The following PITPNC1 variants were observed in gnomAD, a reference collection of about 807,000 sequenced individuals.
PITPNC1 encodes the protein phosphatidylinositol transfer protein cytoplasmic 1.
Under a neutral mutation model 44.7 loss-of-function variants are expected in PITPNC1, and 18 were observed. That is an observed-to-expected ratio of 0.40 (90% confidence interval 0.28 to 0.60). The LOEUF is 0.60. Ranked by LOEUF, PITPNC1 falls within the 20% of genes least tolerant of loss-of-function variation. PITPNC1 has a pLI of 0.39. For missense variants in PITPNC1, 290 were observed against 418.4 expected (o/e 0.69, Z 2.68); for synonymous variants, 141 against 149.6 (o/e 0.94, Z 0.42).
At chr17:67,596,054 T>A (rs1360621120) in intron 5 of PITPNC1, among the ~76,000 whole-genome samples, 4 of 152,204 alleles carry the variant, frequency 2.6e-5, no homozygotes, top group Non-Finnish European at 5.9e-5. Context: ...TTATTATCAT[T>A]CCTACAAAGG....
chr17:67,680,315 A>G (rs2042678966), intron 8 of PITPNC1, among the ~76,000 whole-genome samples: 1 of 152,062 alleles, frequency 6.6e-6, no homozygotes, highest in Admixed American at 6.6e-5. Flanking sequence ...AATCACAACT[A>G]TAAGGCTGGC....
At chr17:67,564,030 G>A (rs1266282975) in intron 4 of PITPNC1, among the ~76,000 whole-genome samples, 2 of 152,228 alleles carry the variant, frequency 1.3e-5, no homozygotes, top group East Asian at 3.9e-4. Flanking sequence ...ATAGATGATA[G>A]ATATTAATAG....
Position 67,650,168 on chromosome 17 carries a change from A to T in PITPNC1, c.462+17930A>T, listed in dbSNP as rs1166175958. The stretch of plus-strand genomic sequence containing the variant: ...CAAAAGTCACCCCCATCACTCAGGA[A>T]ATTCCAGGAGTTTTTGGAGCATTGT... On this transcript the variant is annotated intron_variant, in intron 6 of 8. Coordinates refer to ENST00000581322, the MANE Select transcript of PITPNC1 (RefSeq NM_012417.4). Among the ~76,000 whole-genome samples, 12 of 152,210 alleles carry T rather than the reference A, an allele frequency of 7.9e-5. 1 individual carries two copies. Among genetic ancestry groups the T allele is most frequent in the Admixed American group, 7.9e-4 (12 of 15,280 alleles).
chr17:67,479,729 C>A lies in PITPNC1; in HGVS notation c.49-53073C>A, dbSNP rs188544033. Among the ~76,000 whole-genome samples the A allele has an allele frequency of 3.9e-4, 60 of 152,220 alleles. 1 individual carries two copies. The East Asian group carries it at 0.01, about 26-fold the overall frequency. On this transcript the variant is annotated intron_variant, in intron 1 of 8. Coordinates refer to ENST00000581322, the MANE Select transcript of PITPNC1 (RefSeq NM_012417.4). Reference sequence around the variant, plus strand: ...AAATAAGGCTTATCATGATATCCTGCCGTCTGATTTCTAAAAGTACAGTTC... The same window carrying A: ...AAATAAGGCTTATCATGATATCCTGACGTCTGATTTCTAAAAGTACAGTTC...
At chr17:67,380,099 G>A (rs1337110781) in intron 1 of PITPNC1, among the ~76,000 whole-genome samples, 1 of 148,598 alleles carries the variant, frequency 6.7e-6, no homozygotes, top group African/African-American at 2.5e-5. Context: ...TTTTGAGATG[G>A]AGCCTTGTTA....
chr17:67,509,052 G>T (rs1268664716), intron 1 of PITPNC1, among the ~76,000 whole-genome samples: 1 of 151,772 alleles, frequency 6.6e-6, no homozygotes, highest in Non-Finnish European at 1.5e-5. Flanking sequence ...TGACCAACAT[G>T]GTGAAACTCC....
intron 4 of PITPNC1, among the ~76,000 whole-genome samples, chr17:67,559,649 G>A (rs934855680): frequency 6.6e-6 from 1 of 152,212 alleles, no homozygotes; most frequent in Admixed American, 6.5e-5. Context: ...CATTTCAGGA[G>A]GCTGAGATAG....
chr17:67,425,193 G>GCGCGCGCGCGCGCGCGCC (rs1160522771), intron 1 of PITPNC1, among the ~76,000 whole-genome samples: 2 of 52,118 alleles, frequency 3.8e-5, no homozygotes, highest in Admixed American at 2.0e-4. Context: ...TTGTGCGCGC[G>GCGCGCGCGCGCGCGCGCC]CACGCACACG....
intron 6 of PITPNC1, among the ~76,000 whole-genome samples, chr17:67,644,425 A>ATTTTTTTT (rs750245444): frequency 9.2e-6 from 1 of 108,974 alleles, no homozygotes; most frequent in Non-Finnish European, 1.8e-5. Context: ...TCCCTCTGTA[A>ATTTTTTTT]TTTTTTTTTT....
chr17:67,473,402 C>T (rs2144010797), intron 1 of PITPNC1, among the ~76,000 whole-genome samples: 2 of 152,030 alleles, frequency 1.3e-5, no homozygotes, highest in South Asian at 4.2e-4. Flanking sequence ...AATCTCGGCT[C>T]ACTGCAAGCT....
intron 1 of PITPNC1, among the ~76,000 whole-genome samples, chr17:67,487,875 G>C (rs1308574521): frequency 2.0e-5 from 3 of 152,158 alleles, no homozygotes; most frequent in Non-Finnish European, 4.4e-5. Context: ...AGATGTCTTC[G>C]CATCTTATAC....
chr17:67,458,926 C>T (rs140622964), intron 1 of PITPNC1, among the ~76,000 whole-genome samples: 24 of 152,120 alleles, frequency 1.6e-4, no homozygotes, highest in African/African-American at 5.3e-4. Context: ...GATCACCCCG[C>T]TTAAGGCTCA....
rs532522584 is a variant in PITPNC1 at position 67,676,335 on chromosome 17, T to C, written c.682+793T>C. ...AATTGAAACTATTGTTCTGGCTTTT[T>C]TTTCATGATCTGGGAAGAGTTAAAC... is the stretch of plus-strand genomic sequence containing the variant. On this transcript the variant is annotated intron_variant, in intron 8 of 8. Transcript: ENST00000581322. The surrounding 1 kb of genome is among the most constrained non-coding windows in gnomAD (Gnocchi z 4.0). 7.2e-5 allele frequency among the ~76,000 whole-genome samples: 11 copies of C among 152,334 alleles called. No homozygotes were observed. The highest frequency in any genetic ancestry group is 1.7e-4 in the African/African-American group (7 of 41,560).
chr17:67,452,048 G>T (rs7407026), intron 1 of PITPNC1, among the ~76,000 whole-genome samples: 67,724 of 151,406 alleles, frequency 0.45, 17,328 homozygotes, highest in African/African-American at 0.71. Flanking sequence ...GTCTCACTGT[G>T]ATCACCCAGG....
chr17:67,390,341 T>G (rs1484832218), intron 1 of PITPNC1, among the ~76,000 whole-genome samples: 1 of 152,196 alleles, frequency 6.6e-6, no homozygotes, highest in Non-Finnish European at 1.5e-5. Context: ...GAACCTTTCT[T>G]GTCAGAACTC....
chr17:67,385,242 C>T (rs8075952), intron 1 of PITPNC1, among the ~76,000 whole-genome samples: 39,362 of 151,936 alleles, frequency 0.26, 5,424 homozygotes, highest in African/African-American at 0.34. Flanking sequence ...GCTGCAAAAA[C>T]GCACCAATCA....
chr17:67,667,227 T>C (rs1323605053), intron 6 of PITPNC1, among the ~76,000 whole-genome samples: 1 of 152,076 alleles, frequency 6.6e-6, no homozygotes, highest in Non-Finnish European at 1.5e-5. Flanking sequence ...CTGCACGTCT[T>C]CTTTATGATA....
chr17:67,431,690 A>G (rs1567987267), intron 1 of PITPNC1, among the ~76,000 whole-genome samples: 1 of 152,152 alleles, frequency 6.6e-6, no homozygotes, highest in East Asian at 1.9e-4. Flanking sequence ...TTGAATACTA[A>G]TATAGACTTT....
chr17:67,628,949 C>A (rs1391942424), intron 5 of PITPNC1, among the ~76,000 whole-genome samples: 2 of 152,148 alleles, frequency 1.3e-5, no homozygotes, highest in Non-Finnish European at 2.9e-5. Flanking sequence ...TGATGAGGCT[C>A]ACTGTAAAGG....
Sources: gnomAD v4.1 joint callset for allele counts (sites outside exome capture counted in the v4.1 genomes callset) on GRCh38, gnomAD v4.1.1 for gene constraint, Gnocchi (gnomAD v3.1) non-coding constraint, MANE v1.5 for transcripts, NCBI Gene and HGNC (gene_info 2026-07-23, HGNC 2026-07-21) for gene names.